The following SEPTIN11 variants were observed in gnomAD, a reference collection of about 807,000 sequenced individuals.
SEPTIN11 encodes the protein septin-11.
A neutral mutation model predicts 51.4 loss-of-function variants in SEPTIN11; 25 were observed. The observed-to-expected ratio is 0.49, with a 90% CI of 0.35 to 0.68. The LOEUF (loss-of-function observed/expected upper bound fraction) is 0.68. Ranked by LOEUF, SEPTIN11 falls within the 30% of genes least tolerant of loss-of-function variation. The pLI, the probability that SEPTIN11 is intolerant of heterozygous loss-of-function variation, is 0.00. For synonymous variants in SEPTIN11, 174 were observed against 184.1 expected, an observed-to-expected ratio of 0.95 and a Z score of 0.44; for missense variants, 381 against 520.8, an observed-to-expected ratio of 0.73 and a Z score of 2.61.
chr4:76,970,585 TAA>T (rs1472022865), intron 1 of SEPTIN11, among the ~76,000 whole-genome samples: 1 of 152,204 alleles, frequency 6.6e-6, no homozygotes, highest in Non-Finnish European at 1.5e-5. Context: ...GGCTGAGAAA[TAA>T]AGACATGCAA....
At chr4:76,955,326 A>G (rs1721514426) in intron 1 of SEPTIN11, among the ~76,000 whole-genome samples, 1 of 152,188 alleles carries the variant, frequency 6.6e-6, no homozygotes, top group South Asian at 2.1e-4. Context: ...TGAGTAAGCA[A>G]TAGGATTTAG....
In SEPTIN11 at chr4:77,036,895, G is replaced by A; in HGVS notation, c.*2383G>A. The A allele has an allele frequency of 7.2e-7, 1 of 1,386,424 alleles. No individual in the cohort carries two copies. The allele number at this position is 1,386,424 out of a possible 1,614,324, so 85.9% of individuals were successfully genotyped here. ...TTCTGACTTTTCAAAATTAGAGAAA[G>A]CAAATGGGATGGATAGATTTTTTTT... On this transcript the variant is annotated 3_prime_UTR_variant, in exon 10 of 10. Coordinates refer to ENST00000264893, the MANE Select transcript of SEPTIN11 (RefSeq NM_018243.4).
Position 76,996,556 on chromosome 4 carries a change from C to T in SEPTIN11, c.142+17C>T, listed in dbSNP as rs755839404. ...TTTGTGTTGGTAAGTTATTCATCAC[C>T]CCACAGCAAGAAATTTGATCCTTAG... On this transcript the variant is annotated intron_variant, in intron 2 of 9. Transcript: ENST00000264893. The T allele has an allele frequency of 2.3e-5, 36 of 1,546,298 alleles. No homozygotes were observed. The South Asian group carries it at 3.8e-4, about 16-fold the overall frequency.
chr4:77,018,792 G>A (rs529287561), intron 5 of SEPTIN11, among the ~76,000 whole-genome samples: 23 of 152,194 alleles, frequency 1.5e-4, no homozygotes, highest in South Asian at 2.1e-4. Flanking sequence ...AATATTTTAC[G>A]TTGCTTCCAT....
At chr4:76,982,181 A>T (rs1578139788) in intron 1 of SEPTIN11, among the ~76,000 whole-genome samples, 1 of 147,822 alleles carries the variant, frequency 6.8e-6, no homozygotes, top group Admixed American at 6.7e-5. Flanking sequence ...CTTTCCATCC[A>T]TCTCCATTCC....
intron 1 of SEPTIN11, among the ~76,000 whole-genome samples, chr4:76,963,959 C>CTAG (rs1721922467): frequency 1.3e-5 from 2 of 152,288 alleles, no homozygotes; most frequent in Admixed American, 1.3e-4. Context: ...TCCCCTCCCC[C>CTAG]TACCCCACAA....
intron 1 of SEPTIN11, chr4:76,995,943 G>C: frequency 6.5e-7 from 1 of 1,535,388 alleles, no homozygotes; most frequent in Non-Finnish European, 8.7e-7. Context: ...TTTATGGTAG[G>C]TAGAGCATTG....
At chr4:77,016,601 T>TATATATATACAC (rs1418032632) in intron 5 of SEPTIN11, among the ~76,000 whole-genome samples, 7 of 54,130 alleles carry the variant, frequency 1.3e-4, no homozygotes, top group African/African-American at 5.0e-4. Flanking sequence ...TACACACACA[T>TATATATATACAC]ATATATATAT....
rs1388418971 is a variant in SEPTIN11 at position 76,951,539 on chromosome 4, C to T, written c.27+1609C>T. On this transcript the variant is annotated intron_variant, in intron 1 of 9. Transcript: ENST00000264893. The stretch of plus-strand genomic sequence containing the variant: ...AAATTTATCTGGTTAAATTACTCCT[C>T]CCCCTGCCCCCCATTATACTTATTA... 9.9e-4 allele frequency among the ~76,000 whole-genome samples: 151 copies of T among 152,134 alleles called. 1 individual carries two copies. The highest frequency in any genetic ancestry group is 4.4e-5 in the Non-Finnish European group (3 of 68,034).
intron 3 of SEPTIN11, among the ~76,000 whole-genome samples, chr4:77,009,290 G>A (rs1188869796): frequency 2.6e-5 from 4 of 152,208 alleles, no homozygotes; most frequent in Non-Finnish European, 4.4e-5. Flanking sequence ...GGGAAAGTGA[G>A]GGTTTGAAGG....
chr4:76,992,811 T>C (rs904035), intron 1 of SEPTIN11, among the ~76,000 whole-genome samples: 79,714 of 152,128 alleles, frequency 0.52, 21,753 homozygotes, highest in Middle Eastern at 0.62. Flanking sequence ...AAACACTGGC[T>C]GTAAGGGCCT....
intron 9 of SEPTIN11, among the ~76,000 whole-genome samples, chr4:77,033,978 T>C (rs186628654): frequency 1.1e-4 from 17 of 152,146 alleles, no homozygotes; most frequent in Admixed American, 1.3e-4. Flanking sequence ...GTCCTTTTTT[T>C]CCCCCTACCC....
In SEPTIN11 at chr4:77,034,934, C is replaced by T. The variant is rs1319654779; in HGVS notation, c.*422C>T. 4 of 989,380 alleles carry T rather than the reference C, an allele frequency of 4.0e-6. No homozygotes were observed. The African/African-American group carries it at 7.0e-5, about 17-fold the overall frequency. The allele number at this position is 989,380 out of a possible 1,614,324, so 61.3% of individuals were successfully genotyped here. A position where few individuals can be genotyped will look rare whatever the true frequency, so the allele number is the denominator to read the frequency against. On this transcript the variant is annotated 3_prime_UTR_variant, in exon 10 of 10. Coordinates refer to ENST00000264893, the MANE Select transcript of SEPTIN11 (RefSeq NM_018243.4). The stretch of plus-strand genomic sequence containing the variant: ...AAGAGTTTGCATTTTCTTGATGATT[C>T]ATCTCCATGAGTGCACAATCCCTGA...
chr4:76,980,981 T>C (rs1004545495), intron 1 of SEPTIN11, among the ~76,000 whole-genome samples: 1 of 152,226 alleles, frequency 6.6e-6, no homozygotes, highest in African/African-American at 2.4e-5. Flanking sequence ...CAGAAACATA[T>C]TCCCATTCAC....
At chr4:77,012,628 T>TA (rs1724959201) in intron 4 of SEPTIN11, among the ~76,000 whole-genome samples, 1 of 152,246 alleles carries the variant, frequency 6.6e-6, no homozygotes, top group Non-Finnish European at 1.5e-5. Context: ...AGAAAAGTCT[T>TA]ATCAGATGAT....
intron 1 of SEPTIN11, among the ~76,000 whole-genome samples, chr4:76,979,052 A>C (rs1164143824): frequency 6.6e-6 from 1 of 152,168 alleles, no homozygotes. Flanking sequence ...GGTTGTATAG[A>C]CTTTGTGAGA....
rs1726944499 is a variant in SEPTIN11 at position 77,035,172 on chromosome 4, T to C, written c.*660T>C. ...ATGCCTGCCTTCAATCCTGGCCAAG[T>C]TGGAGTAGACTGGTATGAGAAAACT... On this transcript the variant is annotated 3_prime_UTR_variant, in exon 10 of 10. Transcript: ENST00000264893. 2.0e-6 allele frequency: 2 copies of C among 985,508 alleles called. No homozygotes were observed. Among genetic ancestry groups the C allele is most frequent in the African/African-American group, 1.7e-5 (1 of 57,368 alleles). The allele number at this position is 985,508 out of a possible 1,614,324, so 61.0% of individuals were successfully genotyped here. A position where few individuals can be genotyped will look rare whatever the true frequency, so the allele number is the denominator to read the frequency against.
Position 77,037,622 on chromosome 4 carries a change from C to G in SEPTIN11, c.*3110C>G, listed in dbSNP as rs1231484398. 1.0e-6 allele frequency: 1 copy of G among 985,364 alleles called. No homozygotes were observed. The highest frequency in any genetic ancestry group is 1.7e-5 in the African/African-American group (1 of 57,194). 61.0% of individuals were successfully genotyped at this position (985,364 alleles called of 1,614,324 possible). ...ACCTCTTTTTTGGGGATTGAGGGGCCTACATAACTAGCTGGCCTTACCCCA... is the reference window on the plus strand; with the variant it reads ...ACCTCTTTTTTGGGGATTGAGGGGCGTACATAACTAGCTGGCCTTACCCCA... On this transcript the variant is annotated 3_prime_UTR_variant, in exon 10 of 10. Coordinates refer to ENST00000264893, the MANE Select transcript of SEPTIN11 (RefSeq NM_018243.4).
intron 1 of SEPTIN11, among the ~76,000 whole-genome samples, chr4:76,979,007 T>C (rs1722631643): frequency 1.3e-5 from 2 of 152,238 alleles, no homozygotes; most frequent in Non-Finnish European, 2.9e-5. Flanking sequence ...ACTGCACTGC[T>C]GCTCCATGGC....
Sources: allele counts gnomAD v4.1 joint callset (sites outside exome capture counted in the v4.1 genomes callset), GRCh38; gene constraint gnomAD v4.1.1; transcripts MANE v1.5; gene names NCBI Gene and HGNC (gene_info 2026-07-23, HGNC 2026-07-21).